The following EAPP variants were observed in gnomAD, a reference collection of about 807,000 sequenced individuals.
The protein encoded by EAPP is E2F associated phosphoprotein, also known as E2F-associated phosphoprotein.
EAPP carries 38 observed loss-of-function variants against 34.3 expected under a neutral mutation model. The ratio of observed to expected loss-of-function variants is 1.11; its 90% CI spans 0.85 to 1.45. The LOEUF (loss-of-function observed/expected upper bound fraction) is 1.45, where lower values mean the gene tolerates loss of function less well. EAPP is among the 40% of genes most tolerant of loss of function. The pLI is 0.00. For synonymous variants in EAPP, 113 were observed against 117.6 expected, an observed-to-expected ratio of 0.96 and a Z score of 0.25; for missense variants, 338 against 343.7, an observed-to-expected ratio of 0.98 and a Z score of 0.13.
In EAPP at chr14:34,524,721, G is replaced by C. The variant is rs767180036; in HGVS notation, c.557C>G (p.Thr186Ser). The C allele has an allele frequency of 6.2e-7, 1 of 1,609,138 alleles. No homozygotes were observed. The highest frequency in any genetic ancestry group is 8.5e-7 in the Non-Finnish European group (1 of 1,177,854). ...DAVLNCPACM[T>S]TLCLDCQRHE... ...CCTTTGGCAATCAAGGCAAAGTGTG[G>C]TCATGCAGGCAGGACAATTCAAGAC... The change falls in exon 5 of 6, where the codon ACC (threonine) becomes AGC (serine). Residue 186 changes from threonine to serine, a missense_variant. Coordinates refer to ENST00000250454, the MANE Select transcript of EAPP (RefSeq NM_018453.4).
In EAPP at chr14:34,519,939, C is replaced by T. The variant is rs145183966; in HGVS notation, c.582-3353G>A. Among the ~76,000 whole-genome samples the T allele has an allele frequency of 5.9e-3, 871 of 148,888 alleles. 9 individuals are homozygous for T. The highest frequency in any genetic ancestry group is 0.02 in the African/African-American group (818 of 40,112). ...CGCCCTTGTTGCCCAGGCTGAAGTG[C>T]AGTGGCGCAATCTTGGCTCACTGCA... On this transcript the variant is annotated intron_variant, in intron 5 of 5. Coordinates refer to ENST00000250454, the MANE Select transcript of EAPP (RefSeq NM_018453.4).
At chr14:34,530,781 T>TA (rs1034195536) in intron 3 of EAPP, among the ~76,000 whole-genome samples, 1 of 147,298 alleles carries the variant, frequency 6.8e-6, no homozygotes, top group Non-Finnish European at 1.5e-5. Context: ...AAAAGTGAAT[T>TA]AAAAAAAACA....
chr14:34,524,618 A>G, intron 5 of EAPP, 79 bp downstream of exon 5: 1 of 991,682 alleles, frequency 1.0e-6, no homozygotes, highest in Non-Finnish European at 1.5e-6. Flanking sequence ...TCTGACTTCA[A>G]AAAAAAAAAA....
Position 34,524,804 on chromosome 14 carries a change from G to C in EAPP, c.474C>G (p.Tyr158Ter), listed in dbSNP as rs1880043267. 1 of 1,612,050 alleles carries C rather than the reference G, an allele frequency of 6.2e-7. No homozygotes were observed. Among genetic ancestry groups the C allele is most frequent in the South Asian group, 1.1e-5 (1 of 91,006 alleles). Residue 158 changes from tyrosine (Y) to a stop codon, truncating the protein, a stop_gained, in exon 5 of 6, where the codon TAC becomes TAG. Coordinates refer to ENST00000250454, the MANE Select transcript of EAPP (RefSeq NM_018453.4). LOFTEE classifies it high-confidence loss of function. ...QAWVDAQRRG[Y>*]HGLGPQRSRQ... ...GTGATCTCTGTGGTCCCAAACCATG[G>C]TAACTAGAACAGAAGAAGAAAGTGG...
At chr14:34,535,190 C>G (rs537426002) in intron 2 of EAPP, among the ~76,000 whole-genome samples, 1 of 149,948 alleles carries the variant, frequency 6.7e-6, no homozygotes. Context: ...GGTGCAGTGC[C>G]GCGATCTCAG....
At position 34,516,165 on chromosome 14, in the gene EAPP, G is replaced by T; in HGVS notation, c.*145C>A. 2.8e-6 allele frequency: 2 copies of T among 727,028 alleles called. No homozygotes were observed. Among genetic ancestry groups the T allele is most frequent in the South Asian group, 2.4e-5 (1 of 42,308 alleles). The allele number at this position is 727,028 out of a possible 1,614,324, so 45.0% of individuals were successfully genotyped here. A position where few individuals can be genotyped will look rare whatever the true frequency, so the allele number is the denominator to read the frequency against. On this transcript the variant is annotated 3_prime_UTR_variant, in exon 6 of 6. Transcript: ENST00000250454. ...GGAGAGGGTGAGAGATGTAAGAGAT[G>T]AATGAAGGTTGACAACTATTCTCCT... is the stretch of plus-strand genomic sequence containing the variant.
Position 34,524,537 on chromosome 14 carries a change from A to G in EAPP, c.581+160T>C, listed in dbSNP as rs1594661265. 6.7e-6 allele frequency: 4 copies of G among 592,870 alleles called. No homozygotes were observed. In the East Asian group the frequency reaches 1.2e-4, roughly 17 times the overall value. The allele number at this position is 592,870 out of a possible 1,614,324, so 36.7% of individuals were successfully genotyped here. A position where few individuals can be genotyped will look rare whatever the true frequency, so the allele number is the denominator to read the frequency against. ...AGGCTGAGGCAGGAGACTCGCTTGA[A>G]CCCACGGGGCGGAGGTTGCAGTGAG... On this transcript the variant is annotated intron_variant, in intron 5 of 5. Transcript: ENST00000250454.
At chr14:34,532,674 C>CTTTT (rs1382526657) in intron 3 of EAPP, among the ~76,000 whole-genome samples, 1 of 136,066 alleles carries the variant, frequency 7.3e-6, no homozygotes, top group Non-Finnish European at 1.6e-5. Flanking sequence ...GTGTCCCCAG[C>CTTTT]TTTTTTTTTT....
chr14:34,516,439 GGCA>G lies in EAPP; in HGVS notation c.726_728del (p.Ala243del). The G allele has an allele frequency of 6.2e-7, 1 of 1,613,820 alleles. No homozygotes were observed. Among genetic ancestry groups the G allele is most frequent in the East Asian group, 2.2e-5 (1 of 44,868 alleles). On this transcript the variant is annotated inframe_deletion, in exon 6 of 6. Coordinates refer to ENST00000250454, the MANE Select transcript of EAPP (RefSeq NM_018453.4). The stretch of plus-strand genomic sequence containing the variant: ...CTTCCACATCTGTCTCTGCCTTCTC[GGCA>G]GCATCTTCCCGGTTAGACCTCATCT...
rs71404852 is a variant in EAPP at position 34,518,325 on chromosome 14, A to ATTTTTT, written c.582-1745_582-1740dup. Among the ~76,000 whole-genome samples, 93 of 74,084 alleles carry ATTTTTT rather than the reference A, an allele frequency of 1.3e-3. 15 individuals carry two copies. Among genetic ancestry groups the ATTTTTT allele is most frequent in the African/African-American group, 4.7e-3 (69 of 14,626 alleles). The allele number at this position is 74,084 out of a possible 152,430, so 48.6% of individuals were successfully genotyped here. On this transcript the variant is annotated intron_variant, in intron 5 of 5. Transcript: ENST00000250454. Reference sequence around the variant, plus strand: ...TACTGTATTGTATCTCTCCCTTTAGATTTTTTTTTTTTTTTTTTTTTTTTT... The same window carrying ATTTTTT: ...TACTGTATTGTATCTCTCCCTTTAGATTTTTTTTTTTTTTTTTTTTTTTTTTTTTTT...
At chr14:34,518,424 T>C (rs1361780526) in intron 5 of EAPP, among the ~76,000 whole-genome samples, 1 of 129,198 alleles carries the variant, frequency 7.7e-6, no homozygotes, top group Admixed American at 1.0e-4. Flanking sequence ...AACCTTCACC[T>C]CCCAGCTTCA....
At chr14:34,520,359 G>A (rs1228925443) in intron 5 of EAPP, among the ~76,000 whole-genome samples, 4 of 150,946 alleles carry the variant, frequency 2.6e-5, no homozygotes, top group Admixed American at 6.6e-5. Flanking sequence ...ACAGGCACGC[G>A]CCAACACGCC....
chr14:34,526,867 G>A (rs1880113751), intron 4 of EAPP, among the ~76,000 whole-genome samples: 1 of 94,518 alleles, frequency 1.1e-5, no homozygotes, highest in Admixed American at 1.3e-4. Flanking sequence ...GCAAGACCCT[G>A]TCTTTAAATT....
intron 3 of EAPP, among the ~76,000 whole-genome samples, chr14:34,530,259 C>T (rs1443151685): frequency 6.6e-6 from 1 of 151,832 alleles, no homozygotes; most frequent in South Asian, 2.1e-4. Flanking sequence ...AGGTAGGGTG[C>T]GGTAGCTCAC....
chr14:34,530,968 A>T (rs1280513423), intron 3 of EAPP, among the ~76,000 whole-genome samples: 1 of 148,126 alleles, frequency 6.8e-6, no homozygotes, highest in East Asian at 1.9e-4. Context: ...AAAAAAGAGA[A>T]AAAAAAAAAC....
In EAPP at chr14:34,516,478, C is replaced by A. The variant is rs1331675069; in HGVS notation, c.690G>T (p.Arg230=). ...YKASENRKKR[R]VHKKMRSNRE... is the part of the protein sequence containing the mutation. ...GGTTAGACCTCATCTTCTTATGGAC[C>A]CGCCTTTTCTTCCTGTTCTCTGAGG... The change falls in exon 6 of 6, where the codon CGG becomes CGT. Residue 230 remains arginine (R), a synonymous_variant. Coordinates refer to ENST00000250454, the MANE Select transcript of EAPP (RefSeq NM_018453.4). The A allele has an allele frequency of 6.2e-7, 1 of 1,614,112 alleles. No individual in the cohort carries two copies. Among genetic ancestry groups the A allele is most frequent in the South Asian group, 1.1e-5 (1 of 91,084 alleles).
chr14:34,539,537 G>A lies in EAPP; in HGVS notation c.74+18C>T. On this transcript the variant is annotated intron_variant, in intron 1 of 5. Coordinates refer to ENST00000250454, the MANE Select transcript of EAPP (RefSeq NM_018453.4). ...CTCGACCCAAATCCTCGGGGGCCAG[G>A]GTGGGGCGGGAGCCCACCTGCTCAA... The A allele has an allele frequency of 1.2e-6, 2 of 1,604,400 alleles. No individual in the cohort carries two copies. The highest frequency in any genetic ancestry group is 1.7e-6 in the Non-Finnish European group (2 of 1,178,916).
chr14:34,517,456 T>C (rs1255996462), intron 5 of EAPP, among the ~76,000 whole-genome samples: 3 of 151,270 alleles, frequency 2.0e-5, no homozygotes, highest in Non-Finnish European at 4.4e-5. Flanking sequence ...ACTATGTTGG[T>C]CAGTTTCATC....
chr14:34,529,531 T>C (rs1026828532), intron 3 of EAPP, 56 bp from the exon 4 acceptor site: 9 of 1,220,470 alleles, frequency 7.4e-6, no homozygotes, highest in African/African-American at 1.5e-5. Flanking sequence ...TTCACACTTC[T>C]TTAAATGAAG....
Sources: allele counts gnomAD v4.1 joint callset (sites outside exome capture counted in the v4.1 genomes callset), GRCh38; gene constraint gnomAD v4.1.1; transcripts MANE v1.5; gene names NCBI Gene and HGNC (gene_info 2026-07-23, HGNC 2026-07-21).